FHOD3: variants seen among roughly 807,000 people sequenced by gnomAD.
FHOD3 encodes the protein FH1/FH2 domain-containing protein 3.
FHOD3 carries 90 observed loss-of-function variants against 173.0 expected under a neutral mutation model. That is an observed-to-expected ratio of 0.52 (90% CI 0.44 to 0.62). The LOEUF is 0.62. Among genes scored for constraint, FHOD3 ranks in the 20% least tolerant of loss-of-function variants. The pLI is 0.00. For missense variants in FHOD3, 1,945 were observed against 2,034.7 expected, an observed-to-expected ratio of 0.96 and a Z score of 0.85; for synonymous variants, 828 against 823.0, an observed-to-expected ratio of 1.01 and a Z score of -0.10.
At chr18:36,432,607 C>A (rs899838256) in intron 3 of FHOD3, among the ~76,000 whole-genome samples, 10 of 152,156 alleles carry the variant, frequency 6.6e-5, no homozygotes, top group African/African-American at 2.4e-4. Context: ...TCTGCCCATT[C>A]TTCTCAGGCC....
chr18:36,524,783 A>T (rs571612134), intron 5 of FHOD3, among the ~76,000 whole-genome samples: 74 of 152,230 alleles, frequency 4.9e-4, no homozygotes, highest in African/African-American at 1.7e-3. Flanking sequence ...GTCAGTTTGT[A>T]GGCCCTGATT....
intron 3 of FHOD3, among the ~76,000 whole-genome samples, chr18:36,494,111 T>A (rs58234590): frequency 5.3e-5 from 8 of 152,084 alleles, no homozygotes; most frequent in African/African-American, 1.9e-4. Context: ...TTCTAATTAA[T>A]GTTCTGGTCT....
At chr18:36,426,863 G>A (rs2050274419) in intron 3 of FHOD3, among the ~76,000 whole-genome samples, 1 of 151,894 alleles carries the variant, frequency 6.6e-6, no homozygotes, top group African/African-American at 2.4e-5. Flanking sequence ...TGTGCCCTAA[G>A]TCACATAGTT....
chr18:36,652,581 C>T lies in FHOD3; in HGVS notation c.1298C>T (p.Ala433Val), dbSNP rs1225148763. The T allele has an allele frequency of 1.3e-6, 2 of 1,528,186 alleles. No individual in the cohort carries two copies. Among genetic ancestry groups the T allele is most frequent in the Non-Finnish European group, 1.8e-6 (2 of 1,141,560 alleles). The allele number at this position is 1,528,186 out of a possible 1,614,324, so 94.7% of individuals were successfully genotyped here. ...TGCTGGCCCAACAGCAAGGTCGGCG[C>T]TGCCTCAGGGCAGAGCCCCACTGGA... ...SCQGKDSKVG[A>V]ASGQSPTGRD... The change falls in exon 12 of 29, where the codon GCT becomes GTT. Residue 433 changes from alanine to valine, a missense_variant. Ala to Val is a moderately conservative substitution (Grantham distance 64). Coordinates refer to ENST00000590592, the MANE Select transcript of FHOD3 (RefSeq NM_001281740.3).
intron 10 of FHOD3, among the ~76,000 whole-genome samples, chr18:36,629,815 C>T (rs1019285293): frequency 6.6e-6 from 1 of 151,952 alleles, no homozygotes; most frequent in Non-Finnish European, 1.5e-5. Flanking sequence ...CTGTGCAGGC[C>T]GGGATTGGTC....
chr18:36,601,632 C>T (rs73431684), intron 7 of FHOD3, among the ~76,000 whole-genome samples: 1 of 152,130 alleles, frequency 6.6e-6, no homozygotes, highest in African/African-American at 2.4e-5. Flanking sequence ...CATCCAAGGA[C>T]CAGCATTTGG....
intron 3 of FHOD3, among the ~76,000 whole-genome samples, chr18:36,380,513 T>C (rs978878442): frequency 7.1e-6 from 1 of 140,496 alleles, no homozygotes; most frequent in African/African-American, 2.6e-5. Context: ...CCCTGCCTCC[T>C]TTCCTCTCTC....
At chr18:36,601,484 A>C (rs1012927344) in intron 7 of FHOD3, among the ~76,000 whole-genome samples, 7 of 152,062 alleles carry the variant, frequency 4.6e-5, no homozygotes, top group African/African-American at 1.7e-4. Context: ...ATCTCCATTC[A>C]CTATTCAGCA....
chr18:36,443,181 A>G (rs1009700398), intron 3 of FHOD3, among the ~76,000 whole-genome samples: 2 of 152,200 alleles, frequency 1.3e-5, no homozygotes, highest in Non-Finnish European at 2.9e-5. Context: ...AATCAATAAG[A>G]TACTCTGAAA....
intron 3 of FHOD3, among the ~76,000 whole-genome samples, chr18:36,453,009 T>C (rs2051958691): frequency 6.6e-6 from 1 of 152,100 alleles, no homozygotes; most frequent in Non-Finnish European, 1.5e-5. Context: ...TACATAGACA[T>C]CTCTTTGAGG....
intron 5 of FHOD3, among the ~76,000 whole-genome samples, chr18:36,546,172 A>G (rs1312042506): frequency 6.6e-6 from 1 of 152,196 alleles, no homozygotes; most frequent in Non-Finnish European, 1.5e-5. Context: ...CTGGTGTTAC[A>G]TTCCACCGCA....
At chr18:36,343,214 A>G (rs950427458) in intron 1 of FHOD3, among the ~76,000 whole-genome samples, 6 of 152,244 alleles carry the variant, frequency 3.9e-5, no homozygotes, top group African/African-American at 1.4e-4. Context: ...GACAAATGTT[A>G]TAGTAGTATT....
intron 1 of FHOD3, among the ~76,000 whole-genome samples, chr18:36,349,544 A>G (rs903787926): frequency 6.6e-6 from 1 of 152,210 alleles, no homozygotes; most frequent in Admixed American, 6.5e-5. Context: ...GAGTAGCCCT[A>G]GTATATATTT....
intron 3 of FHOD3, among the ~76,000 whole-genome samples, chr18:36,377,690 C>T (rs1198858017): frequency 1.3e-5 from 2 of 152,178 alleles, no homozygotes; most frequent in Admixed American, 1.3e-4. Flanking sequence ...GCTGTAGGAT[C>T]CACACAGATG....
At position 36,730,689 on chromosome 18, in the gene FHOD3, A is replaced by C; in HGVS notation, c.3461A>C (p.Asp1154Ala). The C allele has an allele frequency of 6.2e-7, 1 of 1,614,110 alleles. No homozygotes were observed. The highest frequency in any genetic ancestry group is 1.1e-5 in the South Asian group (1 of 91,036). ...AAAAGGCAAGAGATCATTGTTCTGG[A>C]TTCCAAGAGGAGTAACGCCATCAAT... Reference protein sequence around the residue: ...DGKRQEIIVLDSKRSNAINIG... With the variant: ...DGKRQEIIVLASKRSNAINIG... The change falls in exon 20 of 29, where the codon GAT becomes GCT. Residue 1154 changes from aspartate (D) to alanine (A), a missense_variant. Asp to Ala is a moderately radical substitution (Grantham distance 126). Around this residue, in one of 5 missense-constraint regions of FHOD3, gnomAD observed 231 missense variants for 321.9 expected, o/e 0.72. Transcript: ENST00000590592.
In FHOD3 at chr18:36,760,750, T is replaced by G. The variant is rs748024730; in HGVS notation, c.4592T>G (p.Leu1531Arg). 1 of 1,611,808 alleles carries G rather than the reference T, an allele frequency of 6.2e-7. No homozygotes were observed. Among genetic ancestry groups the G allele is most frequent in the Non-Finnish European group, 8.5e-7 (1 of 1,179,556 alleles). The stretch of plus-strand genomic sequence containing the variant: ...TCCGTGGAGGACGCCACCCCCGCGC[T>G]GGGCGTCCGCACACGCAGCCGAGCA... ...SPSVEDATPA[L>R]GVRTRSRASR... Residue 1531 changes from leucine (L) to arginine (R), a missense_variant, in exon 27 of 29, where the codon CTG becomes CGG. By Grantham distance (102) the Leu-to-Arg change is moderately radical. Coordinates refer to ENST00000590592, the MANE Select transcript of FHOD3 (RefSeq NM_001281740.3).
intron 1 of FHOD3, 121 bp downstream of exon 1, chr18:36,298,121 C>A (rs1320006194): frequency 4.7e-6 from 4 of 854,590 alleles, no homozygotes; most frequent in South Asian, 4.7e-5. Flanking sequence ...CCGGGGGGAC[C>A]ATCGCTCGAG....
At position 36,773,915 on chromosome 18, in the gene FHOD3, T is replaced by C. The variant is rs55637495; in HGVS notation, c.4786+4489T>C. Among the ~76,000 whole-genome samples, 425 of 152,282 alleles carry C rather than the reference T, an allele frequency of 2.8e-3. 3 individuals carry two copies. The highest frequency in any genetic ancestry group is 9.7e-3 in the African/African-American group (403 of 41,564). On this transcript the variant is annotated intron_variant, in intron 28 of 28. Transcript: ENST00000590592. ...TCAGCATAGCACTTGGCTAGCATTG[T>C]TGAGATAACCTAGGCAGAGGGCTGA...
chr18:36,651,351 T>C (rs1345721170), intron 11 of FHOD3, among the ~76,000 whole-genome samples: 2 of 152,234 alleles, frequency 1.3e-5, no homozygotes, highest in African/African-American at 2.4e-5. Flanking sequence ...TTAACATAGA[T>C]TCCCAGGTTA....
Sources: gnomAD v4.1 joint callset for allele counts (sites outside exome capture counted in the v4.1 genomes callset) on GRCh38, gnomAD v4.1.1 for gene constraint, gnomAD v4.1.1 regional missense constraint, MANE v1.5 for transcripts, NCBI Gene and HGNC (gene_info 2026-07-23, HGNC 2026-07-21) for gene names.